TUT4: variants seen among roughly 807,000 people sequenced by gnomAD.
The protein encoded by TUT4 is terminal uridylyltransferase 4.
Under a neutral mutation model 192.2 loss-of-function variants are expected in TUT4, and 36 were observed. The observed-to-expected ratio is 0.19, with a 90% CI of 0.14 to 0.25. TUT4 has a LOEUF of 0.25. TUT4 is among the 10% of genes least tolerant of loss of function. TUT4 has a pLI of 1.00. For missense variants in TUT4, 1,493 were observed against 1,957.2 expected (o/e 0.76, Z 4.47); for synonymous variants, 618 against 666.0 (o/e 0.93, Z 1.11).
At chr1:52,545,290 T>C (rs891197003) in intron 1 of TUT4, among the ~76,000 whole-genome samples, 1 of 150,782 alleles carries the variant, frequency 6.6e-6, no homozygotes, top group African/African-American at 2.4e-5. Context: ...GGTAGGAGAA[T>C]TGCTTGAGCC....
intron 3 of TUT4, among the ~76,000 whole-genome samples, chr1:52,510,145 C>T (rs1169861742): frequency 1.3e-5 from 2 of 151,740 alleles, no homozygotes; most frequent in East Asian, 3.9e-4. Context: ...AACCCATTCT[C>T]TACTAAAAAT....
intron 24 of TUT4, among the ~76,000 whole-genome samples, chr1:52,440,327 C>T (rs899948925): frequency 6.6e-5 from 10 of 151,750 alleles, no homozygotes; most frequent in African/African-American, 2.2e-4. Flanking sequence ...GACAGCATCT[C>T]GCTGTGTTGG....
chr1:52,548,602 T>TA (rs1439455164), intron 1 of TUT4, among the ~76,000 whole-genome samples: 2 of 152,260 alleles, frequency 1.3e-5, no homozygotes, highest in African/African-American at 2.4e-5. Flanking sequence ...TAAATGAGAA[T>TA]AATATAAAAA....
intron 14 of TUT4, among the ~76,000 whole-genome samples, chr1:52,470,168 G>C (rs1665340788): frequency 6.6e-6 from 1 of 151,840 alleles, no homozygotes; most frequent in Non-Finnish European, 1.5e-5. Flanking sequence ...AGAAAGTATG[G>C]AAGTGTTAAA....
chr1:52,502,620 T>C (rs2149234102), intron 4 of TUT4, among the ~76,000 whole-genome samples: 1 of 139,868 alleles, frequency 7.1e-6, no homozygotes, highest in Middle Eastern at 3.5e-3. Flanking sequence ...TTTTTTTTTT[T>C]TTTTTTTTTT....
intron 2 of TUT4, among the ~76,000 whole-genome samples, chr1:52,524,701 G>A (rs1292595093): frequency 6.6e-6 from 1 of 152,118 alleles, no homozygotes; most frequent in Non-Finnish European, 1.5e-5. Flanking sequence ...AGCTACTCAG[G>A]AGGCTGAGAC....
At chr1:52,471,008 CTTTTTTTTT>C (rs771331613) in intron 14 of TUT4, among the ~76,000 whole-genome samples, 1 of 82,148 alleles carries the variant, frequency 1.2e-5, no homozygotes, top group Non-Finnish European at 2.2e-5. Flanking sequence ...GCACTCTATG[CTTTTTTTTT>C]TTTTTTTTTT....
chr1:52,429,813 T>TA (rs1651444018), intron 28 of TUT4, among the ~76,000 whole-genome samples: 1 of 152,052 alleles, frequency 6.6e-6, no homozygotes, highest in Admixed American at 6.6e-5. Context: ...AGCCTGGTCT[T>TA]AAACTCCTGG....
intron 29 of TUT4, chr1:52,424,977 C>T (rs1649346907): frequency 1.3e-5 from 2 of 159,312 alleles, no homozygotes; most frequent in African/African-American, 5.3e-5. Context: ...GCTAAGCATA[C>T]TCCTCCTCCT....
intron 24 of TUT4, among the ~76,000 whole-genome samples, chr1:52,443,278 T>C (rs949744392): frequency 3.9e-4 from 51 of 131,134 alleles, no homozygotes; most frequent in Non-Finnish European, 6.8e-4. Context: ...AGTGAGACTC[T>C]GTCTCAAAAA....
At chr1:52,467,830 TC>T (rs551149646) in intron 15 of TUT4, among the ~76,000 whole-genome samples, 24 of 152,302 alleles carry the variant, frequency 1.6e-4, no homozygotes, top group African/African-American at 5.3e-4. Context: ...CAATGTTTTC[TC>T]CTTGGATATT....
At chr1:52,527,456 GAAT>G (rs1452685971) in intron 1 of TUT4, among the ~76,000 whole-genome samples, 1 of 151,908 alleles carries the variant, frequency 6.6e-6, no homozygotes, top group Admixed American at 6.6e-5. Flanking sequence ...TGAGGCAGGA[GAAT>G]TGCTTGAACC....
intron 4 of TUT4, among the ~76,000 whole-genome samples, chr1:52,506,894 G>A (rs556719508): frequency 6.6e-6 from 1 of 152,042 alleles, no homozygotes; most frequent in Admixed American, 6.5e-5. Context: ...GAGTATTTTT[G>A]TATTTCTGTA....
chr1:52,507,677 CCAA>C (rs912083695), intron 4 of TUT4, among the ~76,000 whole-genome samples: 1 of 152,114 alleles, frequency 6.6e-6, no homozygotes, highest in Non-Finnish European at 1.5e-5. Context: ...TTTTAGAACA[CCAA>C]CATGATGCTC....
Position 52,446,431 on chromosome 1 carries a change from T to G in TUT4, c.3525A>C (p.Leu1175Phe), listed in dbSNP as rs1458437943. The G allele has an allele frequency of 2.5e-6, 4 of 1,587,482 alleles. No homozygotes were observed. The highest frequency in any genetic ancestry group is 3.4e-6 in the Non-Finnish European group (4 of 1,173,222). ...FDKTEELKKR[L>F]PSLGKNTESL... ...ATTCTGTGTTCTTTCCAAGTGAAGG[T>G]AAACGCTTTTTCTACATATAAAAAA... The change falls in exon 22 of 30, where the codon TTA becomes TTC. Residue 1175 changes from leucine to phenylalanine, a missense_variant. Physicochemically the swap from Leu to Phe is conservative, Grantham distance 22. Transcript: ENST00000257177.
chr1:52,540,854 T>C (rs1386146626), intron 1 of TUT4, among the ~76,000 whole-genome samples: 1 of 152,206 alleles, frequency 6.6e-6, no homozygotes, highest in Non-Finnish European at 1.5e-5. Flanking sequence ...TCTTTGTGTG[T>C]TATATCTATT....
chr1:52,498,241 T>C (rs1398256969), intron 4 of TUT4, among the ~76,000 whole-genome samples: 1 of 101,784 alleles, frequency 9.8e-6, no homozygotes, highest in Non-Finnish European at 2.0e-5. Context: ...GTTTCAGTAC[T>C]TTTTTTTTTT....
At chr1:52,549,392 C>G (rs1006451852) in intron 1 of TUT4, among the ~76,000 whole-genome samples, 1 of 152,158 alleles carries the variant, frequency 6.6e-6, no homozygotes, top group Admixed American at 6.6e-5. Flanking sequence ...TACAATTTAT[C>G]ATCTTTGCAT....
intron 28 of TUT4, among the ~76,000 whole-genome samples, chr1:52,428,837 G>C (rs1650957662): frequency 1.3e-5 from 2 of 151,898 alleles, no homozygotes; most frequent in African/African-American, 4.8e-5. Context: ...AACAAGGACT[G>C]GGTATTAGAT....
Sources: gnomAD v4.1 joint callset for allele counts (sites outside exome capture counted in the v4.1 genomes callset) on GRCh38, gnomAD v4.1.1 for gene constraint, MANE v1.5 for transcripts, NCBI Gene and HGNC (gene_info 2026-07-23, HGNC 2026-07-21) for gene names.